Variants in ERC2 observed in about 807,000 individuals in gnomAD.
ERC2 encodes the protein ELKS/RAB6-interacting/CAST family member 2.
ERC2 carries 42 observed loss-of-function variants against 114.8 expected under a neutral mutation model. The ratio of observed to expected loss-of-function variants is 0.37; its 90% CI spans 0.29 to 0.47. The LOEUF (loss-of-function observed/expected upper bound fraction) is 0.47. Among genes scored for constraint, ERC2 ranks in the 20% least tolerant of loss-of-function variants. The pLI is 0.99. For missense variants in ERC2, 939 were observed against 1,150.7 expected (o/e 0.82, Z 2.66); for synonymous variants, 454 against 425.5 (o/e 1.07, Z -0.82).
chr3:55,811,053 C>A (rs906795415), intron 14 of ERC2, among the ~76,000 whole-genome samples: 2 of 152,092 alleles, frequency 1.3e-5, no homozygotes, highest in African/African-American at 2.4e-5. Flanking sequence ...CTTGGTGATA[C>A]GGAAAGGTTC....
intron 13 of ERC2, among the ~76,000 whole-genome samples, chr3:55,929,250 T>C (rs1373459403): frequency 3.9e-5 from 6 of 152,160 alleles, no homozygotes; most frequent in Non-Finnish European, 8.8e-5. Flanking sequence ...GAGCTCCCCC[T>C]AAAACTTCCT....
At chr3:56,340,712 C>T (rs2058056713) in intron 2 of ERC2, among the ~76,000 whole-genome samples, 1 of 152,050 alleles carries the variant, frequency 6.6e-6, no homozygotes, top group African/African-American at 2.4e-5. Flanking sequence ...CTGAGGACAA[C>T]CAAGGAAACT....
intron 14 of ERC2, among the ~76,000 whole-genome samples, chr3:55,784,198 C>CA (rs1164616789): frequency 6.6e-6 from 1 of 152,074 alleles, no homozygotes; most frequent in Non-Finnish European, 1.5e-5. Context: ...TTTTGCTTTA[C>CA]AAAACCTCAA....
At chr3:55,533,622 C>A (rs1466060106) in intron 17 of ERC2, among the ~76,000 whole-genome samples, 1 of 152,136 alleles carries the variant, frequency 6.6e-6, no homozygotes, top group African/African-American at 2.4e-5. Context: ...GGGGTGAGGG[C>A]AGTGGGTAGG....
At chr3:56,291,640 A>G (rs558521250) in intron 3 of ERC2, among the ~76,000 whole-genome samples, 1 of 152,264 alleles carries the variant, frequency 6.6e-6, no homozygotes, top group African/African-American at 2.4e-5. Context: ...GCCTAGCCCC[A>G]ACCTACTCGA....
intron 2 of ERC2, among the ~76,000 whole-genome samples, chr3:56,413,764 T>C (rs1256113998): frequency 6.6e-6 from 1 of 152,234 alleles, no homozygotes; most frequent in Non-Finnish European, 1.5e-5. Context: ...AACACTCTTC[T>C]GAATGATATT....
chr3:56,010,250 T>C (rs1273920900), intron 9 of ERC2, among the ~76,000 whole-genome samples, 199 bp downstream of exon 9: 4 of 151,852 alleles, frequency 2.6e-5, no homozygotes, highest in African/African-American at 9.7e-5. Flanking sequence ...GCAGAGAAGA[T>C]AGGCATAGGG....
intron 14 of ERC2, among the ~76,000 whole-genome samples, chr3:55,788,480 C>G (rs1166862618): frequency 1.3e-5 from 2 of 152,188 alleles, no homozygotes; most frequent in Admixed American, 1.3e-4. Context: ...AGACCTTGAT[C>G]TTTTTGTCCT....
intron 14 of ERC2, among the ~76,000 whole-genome samples, chr3:55,870,075 T>C (rs1366204500): frequency 6.8e-6 from 1 of 147,440 alleles, no homozygotes; most frequent in Non-Finnish European, 1.5e-5. Flanking sequence ...TAAAAAAGAG[T>C]ACAATTTTTT....
At chr3:55,657,555 A>C (rs753014332) in intron 17 of ERC2, 1 of 152,162 alleles carries the variant, frequency 6.6e-6, no homozygotes, top group Non-Finnish European at 1.5e-5. Flanking sequence ...TCCTGGGCTC[A>C]GGTAATTCTC....
At chr3:56,043,287 A>G (rs926604255) in intron 7 of ERC2, among the ~76,000 whole-genome samples, 26 of 152,320 alleles carry the variant, frequency 1.7e-4, no homozygotes, top group Non-Finnish European at 2.1e-4. Flanking sequence ...AGCAGAGTGT[A>G]CACAAGGGGA....
At chr3:55,696,651 A>G (rs1269760496) in intron 16 of ERC2, among the ~76,000 whole-genome samples, 1 of 152,256 alleles carries the variant, frequency 6.6e-6, no homozygotes, top group East Asian at 1.9e-4. Context: ...GATAACTATT[A>G]TCCATTGATA....
intron 1 of ERC2, among the ~76,000 whole-genome samples, chr3:56,438,692 G>A (rs764180266): frequency 3.9e-5 from 6 of 152,198 alleles, no homozygotes; most frequent in Non-Finnish European, 8.8e-5. Flanking sequence ...AAAAAGTGAT[G>A]AAATCTAACT....
chr3:55,892,556 T>C (rs1342254227), intron 13 of ERC2, among the ~76,000 whole-genome samples: 2 of 152,184 alleles, frequency 1.3e-5, no homozygotes, highest in East Asian at 1.9e-4. Flanking sequence ...ATATTCATTG[T>C]AAAAAATATG....
chr3:56,059,382 C>A (rs759387671), intron 7 of ERC2, among the ~76,000 whole-genome samples: 8 of 152,146 alleles, frequency 5.3e-5, no homozygotes, highest in Non-Finnish European at 5.9e-5. Context: ...AGCCACCGTG[C>A]CCGGCCACAT....
chr3:56,016,306 C>T (rs1166434272), intron 8 of ERC2, among the ~76,000 whole-genome samples: 1 of 151,934 alleles, frequency 6.6e-6, no homozygotes, highest in South Asian at 2.1e-4. Flanking sequence ...AAGGGTATTG[C>T]CTAGATTTTC....
At chr3:55,653,226 G>T (rs2060712377) in intron 17 of ERC2, among the ~76,000 whole-genome samples, 1 of 151,846 alleles carries the variant, frequency 6.6e-6, no homozygotes, top group African/African-American at 2.4e-5. Context: ...TTTTATGTGT[G>T]TAAGTGCATA....
At chr3:55,895,166 A>G (rs762675145) in intron 13 of ERC2, among the ~76,000 whole-genome samples, 1 of 152,160 alleles carries the variant, frequency 6.6e-6, no homozygotes, top group East Asian at 1.9e-4. Flanking sequence ...TCTTAACCCA[A>G]TGTTTCCCAA....
At chr3:56,033,377 T>C (rs2074600664) in intron 7 of ERC2, among the ~76,000 whole-genome samples, 1 of 152,250 alleles carries the variant, frequency 6.6e-6, no homozygotes, top group African/African-American at 2.4e-5. Context: ...GTACCAAAAA[T>C]GTGATCAAAG....
Sources: gnomAD v4.1 joint callset for allele counts (sites outside exome capture counted in the v4.1 genomes callset) on GRCh38, gnomAD v4.1.1 for gene constraint, MANE v1.5 for transcripts, NCBI Gene and HGNC (gene_info 2026-07-23, HGNC 2026-07-21) for gene names.